Variants in SUPT3H observed in about 807,000 individuals in gnomAD.
SUPT3H encodes the protein SPT3 homolog, SAGA and STAGA complex component.
A neutral mutation model predicts 44.3 loss-of-function variants in SUPT3H; 44 were observed. The ratio of observed to expected loss-of-function variants is 0.99; its 90% CI spans 0.78 to 1.28. The LOEUF (loss-of-function observed/expected upper bound fraction) is 1.28. Among genes scored for constraint, SUPT3H ranks in the 50% most tolerant of loss-of-function variants. The pLI is 0.00. For synonymous variants in SUPT3H, 124 were observed against 125.6 expected, an observed-to-expected ratio of 0.99 and a Z score of 0.09; for missense variants, 380 against 387.1, an observed-to-expected ratio of 0.98 and a Z score of 0.15.
intron 2 of SUPT3H, among the ~76,000 whole-genome samples, chr6:45,112,357 C>T (rs561038857): frequency 6.6e-6 from 1 of 151,684 alleles, no homozygotes; most frequent in South Asian, 2.1e-4. Context: ...TTATCCCTGG[C>T]CTTATATGTG....
intron 3 of SUPT3H, among the ~76,000 whole-genome samples, chr6:45,045,611 C>T (rs925925330): frequency 6.6e-6 from 1 of 152,134 alleles, no homozygotes; most frequent in African/African-American, 2.4e-5. Context: ...AATATGACTT[C>T]CTCTCTTCCT....
intron 2 of SUPT3H, among the ~76,000 whole-genome samples, chr6:45,108,339 A>G (rs1243712785): frequency 2.0e-5 from 3 of 152,172 alleles, no homozygotes; most frequent in Non-Finnish European, 4.4e-5. Flanking sequence ...TTAGCCAGGC[A>G]TGGCGGCATG....
At chr6:44,869,788 A>G (rs921449352) in intron 10 of SUPT3H, among the ~76,000 whole-genome samples, 1 of 152,184 alleles carries the variant, frequency 6.6e-6, no homozygotes, top group Admixed American at 6.5e-5. Flanking sequence ...GACTGCTAAG[A>G]ATAGCTATTC....
In SUPT3H at chr6:44,826,961, A is replaced by G. The variant is rs1257946269; in HGVS notation, c.*2855T>C. ...GTATTTTTGAATCACAACGATTACA[A>G]TCTAAGAAGGCAGGAAAGCTAATGG... is the stretch of plus-strand genomic sequence containing the variant. On this transcript the variant is annotated 3_prime_UTR_variant, in exon 11 of 11. Coordinates refer to ENST00000371459, the MANE Select transcript of SUPT3H (RefSeq NM_003599.4). Among the ~76,000 whole-genome samples, 6 of 152,224 alleles carry G rather than the reference A, an allele frequency of 3.9e-5. No homozygotes were observed. Among genetic ancestry groups the G allele is most frequent in the African/African-American group, 1.4e-4 (6 of 41,468 alleles).
intron 3 of SUPT3H, among the ~76,000 whole-genome samples, chr6:45,065,060 G>A (rs1162943028): frequency 1.3e-5 from 2 of 150,806 alleles, no homozygotes; most frequent in Non-Finnish European, 3.0e-5. Flanking sequence ...ATACTGGGAA[G>A]TAAAGCTCTC....
At chr6:44,973,265 G>T (rs1777854666) in intron 6 of SUPT3H, among the ~76,000 whole-genome samples, 1 of 152,070 alleles carries the variant, frequency 6.6e-6, no homozygotes, top group Non-Finnish European at 1.5e-5. Context: ...TCTCTCCCCA[G>T]TTCAAAGTTC....
chr6:45,176,227 G>C (rs976572527), intron 2 of SUPT3H, among the ~76,000 whole-genome samples: 1 of 151,850 alleles, frequency 6.6e-6, no homozygotes, highest in Non-Finnish European at 1.5e-5. Context: ...CGCACCGTGC[G>C]CGAGCCGAAG....
intron 2 of SUPT3H, among the ~76,000 whole-genome samples, chr6:45,314,950 A>C (rs1006851924): frequency 2.0e-5 from 3 of 152,172 alleles, no homozygotes; most frequent in Non-Finnish European, 1.5e-5. Context: ...ATATAGACCA[A>C]TGGAACAGAA....
At chr6:45,221,708 T>C (rs1449908376) in intron 2 of SUPT3H, among the ~76,000 whole-genome samples, 2 of 152,184 alleles carry the variant, frequency 1.3e-5, no homozygotes, top group Non-Finnish European at 2.9e-5. Flanking sequence ...TCAAGGTTTT[T>C]TCTTTTTGTA....
At chr6:44,899,469 C>T (rs919347823) in intron 10 of SUPT3H, among the ~76,000 whole-genome samples, 13 of 152,026 alleles carry the variant, frequency 8.6e-5, no homozygotes, top group Admixed American at 2.6e-4. Context: ...GGGCAGATCA[C>T]GAGGTCAGGA....
At chr6:45,188,023 A>T (rs1023305392) in intron 2 of SUPT3H, among the ~76,000 whole-genome samples, 1 of 152,228 alleles carries the variant, frequency 6.6e-6, no homozygotes, top group Admixed American at 6.5e-5. Flanking sequence ...CACCCAGGAC[A>T]TGAATCACCC....
At chr6:45,186,557 C>T (rs1057047888) in intron 2 of SUPT3H, among the ~76,000 whole-genome samples, 10 of 152,260 alleles carry the variant, frequency 6.6e-5, no homozygotes, top group Admixed American at 1.3e-4. Flanking sequence ...TCTCCAGGCT[C>T]AGATAGTTTC....
intron 2 of SUPT3H, among the ~76,000 whole-genome samples, chr6:45,148,507 C>T (rs1806444941): frequency 6.6e-6 from 1 of 152,162 alleles, no homozygotes; most frequent in African/African-American, 2.4e-5. Flanking sequence ...GAGGTGACTA[C>T]AGAAAACTGA....
chr6:45,186,172 A>C (rs563736374), intron 2 of SUPT3H, among the ~76,000 whole-genome samples: 1 of 152,320 alleles, frequency 6.6e-6, no homozygotes, highest in Admixed American at 6.5e-5. Flanking sequence ...AAGGGCAGGC[A>C]GTGGGAAGGT....
intron 2 of SUPT3H, among the ~76,000 whole-genome samples, chr6:45,360,768 C>T (rs1421123241): frequency 6.6e-6 from 1 of 152,090 alleles, no homozygotes; most frequent in Admixed American, 6.6e-5. Flanking sequence ...TTGAGGTGCT[C>T]GCAGAACACT....
chr6:45,075,287 C>G (rs931903668), intron 3 of SUPT3H, among the ~76,000 whole-genome samples: 2 of 152,026 alleles, frequency 1.3e-5, no homozygotes, highest in African/African-American at 4.8e-5. Flanking sequence ...CTGAGAAAAG[C>G]ACCTTTACAA....
At position 45,157,030 on chromosome 6, in the gene SUPT3H, C is replaced by A. The variant is rs866902754; in HGVS notation, c.102-51024G>T. The stretch of plus-strand genomic sequence containing the variant: ...AGAACATTAATAAGTTAAAGGAATG[C>A]AACTTCCAATAATTTTCCATGAAAA... On this transcript the variant is annotated intron_variant, in intron 2 of 10. Coordinates refer to ENST00000371459, the MANE Select transcript of SUPT3H (RefSeq NM_003599.4). Among the ~76,000 whole-genome samples, 3 of 152,020 alleles carry A rather than the reference C, an allele frequency of 2.0e-5. No homozygotes were observed. The South Asian group carries it at 6.2e-4, about 31-fold the overall frequency.
At chr6:45,290,429 C>A (rs1780119519) in intron 2 of SUPT3H, among the ~76,000 whole-genome samples, 1 of 128,682 alleles carries the variant, frequency 7.8e-6, no homozygotes, top group African/African-American at 2.9e-5. Context: ...TGAATCTCTT[C>A]TGGAAAAAGA....
chr6:44,948,091 T>C (rs139110380), intron 9 of SUPT3H, among the ~76,000 whole-genome samples: 165 of 152,336 alleles, frequency 1.1e-3, no homozygotes, highest in African/African-American at 3.7e-3. Flanking sequence ...GCCAGATTTG[T>C]CAAAGATCAG....
Sources: allele counts gnomAD v4.1 joint callset (sites outside exome capture counted in the v4.1 genomes callset), GRCh38; gene constraint gnomAD v4.1.1; transcripts MANE v1.5; gene names NCBI Gene and HGNC (gene_info 2026-07-23, HGNC 2026-07-21).